Variants in AHCTF1 observed in about 807,000 individuals in gnomAD.
AHCTF1 encodes the protein AT-hook containing transcription factor 1.
Under a neutral mutation model 248.4 loss-of-function variants are expected in AHCTF1, and 24 were observed. That is an observed-to-expected ratio of 0.10 (90% CI 0.07 to 0.14). The LOEUF is 0.14. Ranked by LOEUF, AHCTF1 falls within the 10% of genes least tolerant of loss-of-function variation. The pLI is 1.00. For synonymous variants in AHCTF1, 786 were observed against 929.8 expected, an observed-to-expected ratio of 0.85 and a Z score of 2.81; for missense variants, 2,206 against 2,636.2, an observed-to-expected ratio of 0.84 and a Z score of 3.57.
chr1:246,890,026 T>C lies in AHCTF1; in HGVS notation c.2084A>G (p.Asn695Ser). The C allele has an allele frequency of 1.2e-6, 2 of 1,613,054 alleles. No individual in the cohort carries two copies. The highest frequency in any genetic ancestry group is 1.7e-6 in the Non-Finnish European group (2 of 1,179,410). Residue 695 changes from asparagine (N) to serine (S), a missense_variant, in exon 17 of 36, where the codon AAC becomes AGC. Asn to Ser is a conservative substitution (Grantham distance 46). This residue lies in a region of AHCTF1 where 650 missense variants were observed against 870.8 expected (regional missense o/e 0.75). Transcript: ENST00000648844. ...GTAGTAGTTCTGAATTACAGGGTAG[T>C]TGTAGCATAACCTTGACAACTGCAC... is the stretch of plus-strand genomic sequence containing the variant. ...DSVQLSRLCY[N>S]YPVIQNYYTS...
chr1:246,916,376 G>C lies in AHCTF1; in HGVS notation c.141C>G (p.Cys47Trp). The C allele has an allele frequency of 6.2e-7, 1 of 1,600,922 alleles. No individual in the cohort carries two copies. The highest frequency in any genetic ancestry group is 8.5e-7 in the Non-Finnish European group (1 of 1,175,882). Reference protein sequence around the residue: ...KFAAGKNGLACLACGPQLEVV... With the variant: ...KFAAGKNGLAWLACGPQLEVV... Reference sequence around the variant, plus strand: ...CCTCAAGTTGTGGACCACAAGCCAAGCAAGCAAGTCCATTTTTCCCTAGAA... The same window carrying C: ...CCTCAAGTTGTGGACCACAAGCCAACCAAGCAAGTCCATTTTTCCCTAGAA... Residue 47 changes from cysteine to tryptophan, a missense_variant, in exon 3 of 36, where the codon TGC becomes TGG. By Grantham distance (215) the Cys-to-Trp change is radical (BLOSUM62 -2). This residue lies in a region of AHCTF1 where 69 missense variants were observed against 85.4 expected (regional missense o/e 0.81). Transcript: ENST00000648844.
chr1:246,926,476 T>C (rs1221028021), intron 1 of AHCTF1, among the ~76,000 whole-genome samples: 1 of 152,230 alleles, frequency 6.6e-6, no homozygotes, highest in Non-Finnish European at 1.5e-5. Context: ...TTTTCAAATT[T>C]AACAGCCTTT....
Position 246,899,550 on chromosome 1 carries a change from A to G in AHCTF1, c.1433-38T>C, listed in dbSNP as rs541269835. Reference sequence around the variant, plus strand: ...TTTAAAAAATAATCCACTTACATATATTTAAAATGGCATTAATAGAACAAA... The same window carrying G: ...TTTAAAAAATAATCCACTTACATATGTTTAAAATGGCATTAATAGAACAAA... On this transcript the variant is annotated intron_variant, in intron 10 of 35. Coordinates refer to ENST00000648844, the MANE Select transcript of AHCTF1 (RefSeq NM_001323342.2). 120 of 1,534,036 alleles carry G rather than the reference A, an allele frequency of 7.8e-5. No individual in the cohort carries two copies. In the South Asian group the frequency reaches 1.3e-3, roughly 17 times the overall value.
intron 31 of AHCTF1, among the ~76,000 whole-genome samples, chr1:246,854,622 T>C (rs1398096310): frequency 6.6e-6 from 1 of 152,178 alleles, no homozygotes; most frequent in African/African-American, 2.4e-5. Flanking sequence ...TTCTAACAGC[T>C]AACATTTACT....
intron 24 of AHCTF1, among the ~76,000 whole-genome samples, chr1:246,871,709 AT>A (rs200325446): frequency 1.3e-5 from 2 of 151,288 alleles, no homozygotes; most frequent in East Asian, 1.9e-4. Flanking sequence ...CCTACAGTGC[AT>A]TTTTTTTTGA....
At chr1:246,893,646 A>G (rs866013676) in intron 14 of AHCTF1, among the ~76,000 whole-genome samples, 13 of 152,222 alleles carry the variant, frequency 8.5e-5, no homozygotes, top group African/African-American at 2.7e-4. Flanking sequence ...CCACAATAAT[A>G]ACGACATCTA....
intron 2 of AHCTF1, among the ~76,000 whole-genome samples, chr1:246,917,757 T>G (rs1015951678): frequency 6.6e-6 from 1 of 152,212 alleles, no homozygotes; most frequent in Non-Finnish European, 1.5e-5. Flanking sequence ...ACAAGATCCA[T>G]AAGAGAAAGC....
intron 24 of AHCTF1, among the ~76,000 whole-genome samples, chr1:246,869,992 G>A (rs1464109915): frequency 6.6e-6 from 1 of 152,214 alleles, no homozygotes; most frequent in Non-Finnish European, 1.5e-5. Flanking sequence ...ATGCCATTCA[G>A]CACATTCATA....
intron 1 of AHCTF1, among the ~76,000 whole-genome samples, chr1:246,925,164 C>T (rs1328878392): frequency 6.6e-6 from 1 of 152,150 alleles, no homozygotes; most frequent in African/African-American, 2.4e-5. Context: ...TCAACCAGAA[C>T]CAAAACCTTC....
At chr1:246,878,888 C>T (rs938857240) in intron 21 of AHCTF1, among the ~76,000 whole-genome samples, 2 of 152,156 alleles carry the variant, frequency 1.3e-5, no homozygotes, top group Non-Finnish European at 2.9e-5. Flanking sequence ...GAAATTGCCT[C>T]GTGCTTCTCT....
In AHCTF1 at chr1:246,864,051, C is replaced by G. The variant is rs746219072; in HGVS notation, c.3413G>C (p.Ser1138Thr). Residue 1138 changes from serine (S) to threonine (T), a missense_variant, in exon 27 of 36, where the codon AGC (serine) becomes ACC (threonine). Transcript: ENST00000648844. ...PSQCSEFIQQSSMKSPLYLVS... is the reference protein window; with the variant it reads ...PSQCSEFIQQTSMKSPLYLVS... ...TAGGTACAAAGGAGATTTCATGGAG[C>G]TTTGCTGAATAAACTCCGAACACTG... The G allele has an allele frequency of 1.2e-6, 2 of 1,614,122 alleles. No individual in the cohort carries two copies. Among genetic ancestry groups the G allele is most frequent in the African/African-American group, 1.3e-5 (1 of 75,038 alleles).
At chr1:246,894,175 G>A (rs1326115701) in intron 14 of AHCTF1, among the ~76,000 whole-genome samples, 1 of 151,936 alleles carries the variant, frequency 6.6e-6, no homozygotes, top group Non-Finnish European at 1.5e-5. Context: ...CTGTACTCCT[G>A]CCTGGGCAAA....
At chr1:246,900,002 G>T (rs983545582) in intron 10 of AHCTF1, 63 bp downstream of exon 10, 1 of 1,445,668 alleles carries the variant, frequency 6.9e-7, no homozygotes, top group Non-Finnish European at 9.5e-7. Context: ...ACTACACAAC[G>T]TATACATTTA....
At chr1:246,868,839 GTT>G in intron 24 of AHCTF1, among the ~76,000 whole-genome samples, 1 of 113,778 alleles carries the variant, frequency 8.8e-6, no homozygotes, top group Non-Finnish European at 1.6e-5. Context: ...TTGTGTGTGT[GTT>G]TTTTGTTTTT....
At chr1:246,891,686 T>A in intron 15 of AHCTF1, 93 bp downstream of exon 15, 1 of 1,330,920 alleles carries the variant, frequency 7.5e-7, no homozygotes, top group South Asian at 1.3e-5. Flanking sequence ...CTTTACATAA[T>A]GATCCATCTA....
At chr1:246,874,362 G>T (rs1013980789) in intron 24 of AHCTF1, among the ~76,000 whole-genome samples, 8 of 152,042 alleles carry the variant, frequency 5.3e-5, no homozygotes, top group African/African-American at 1.9e-4. Flanking sequence ...TCCTCTACAT[G>T]CCAAGCAAAC....
intron 33 of AHCTF1, among the ~76,000 whole-genome samples, chr1:246,847,560 C>T (rs950622189): frequency 1.3e-5 from 2 of 152,102 alleles, no homozygotes; most frequent in African/African-American, 4.8e-5. Flanking sequence ...TGCAGGGGCA[C>T]ACGATCATGG....
chr1:246,862,308 G>A lies in AHCTF1; in HGVS notation c.3541-155C>T, dbSNP rs561459577. 1.6e-4 allele frequency among the ~76,000 whole-genome samples: 24 copies of A among 152,154 alleles called. No homozygotes were observed. The East Asian group carries it at 1.9e-3, about 12-fold the overall frequency. ...ATCCTGGCTAACACGGTGAAACCCC[G>A]TCTCTACTAAAAATACAAAAAATTA... On this transcript the variant is annotated intron_variant, in intron 27 of 35. Coordinates refer to ENST00000648844, the MANE Select transcript of AHCTF1 (RefSeq NM_001323342.2).
In AHCTF1 at chr1:246,842,770, C is replaced by T. The variant is rs1013821654; in HGVS notation, c.6532G>A (p.Asp2178Asn). Reference protein sequence around the residue: ...KNKLEDELKDDAQSVETLGKP... With the variant: ...KNKLEDELKDNAQSVETLGKP... ...CCCAGAGTTTCTACTGATTGTGCATCATCTTTCTATGGGTTAAACATTTTA... is the reference window on the plus strand; with the variant it reads ...CCCAGAGTTTCTACTGATTGTGCATTATCTTTCTATGGGTTAAACATTTTA... Residue 2178 changes from aspartate (D) to asparagine (N), a missense_variant, in exon 35 of 36, where the codon GAT (aspartate) becomes AAT (asparagine). Transcript: ENST00000648844. 5.6e-6 allele frequency: 9 copies of T among 1,613,110 alleles called. No homozygotes were observed. Among genetic ancestry groups the T allele is most frequent in the Admixed American group, 5.0e-5 (3 of 59,966 alleles).
Sources: allele counts gnomAD v4.1 joint callset (sites outside exome capture counted in the v4.1 genomes callset), GRCh38; gene constraint gnomAD v4.1.1; regional missense constraint gnomAD v4.1.1; transcripts MANE v1.5; gene names NCBI Gene and HGNC (gene_info 2026-07-23, HGNC 2026-07-21).